The following PDXDC1 variants were observed in gnomAD, a reference collection of about 807,000 sequenced individuals.
PDXDC1 encodes the protein pyridoxal dependent decarboxylase domain containing 1, also known as pyridoxal-dependent decarboxylase domain-containing protein 1.
In PDXDC1, 42 loss-of-function variants were observed where a neutral mutation model predicts 100.1. The observed-to-expected ratio is 0.42, with a 90% CI of 0.33 to 0.54. The LOEUF is 0.54. Ranked by LOEUF, PDXDC1 falls within the 20% of genes least tolerant of loss-of-function variation. The probability of loss-of-function intolerance (pLI) is 0.10; values close to 1 mark genes in which losing one functional copy is unlikely to be tolerated. For synonymous variants in PDXDC1, 260 were observed against 371.7 expected, an observed-to-expected ratio of 0.70 and a Z score of 3.46; for missense variants, 636 against 979.2, an observed-to-expected ratio of 0.65 and a Z score of 4.68.
chr16:15,147,756 T>A, the PDXDC1 span, among the ~76,000 whole-genome samples: 1 of 152,028 alleles, frequency 6.6e-6, no homozygotes, highest in African/African-American at 2.4e-5. Flanking sequence ...TGGTGTGATA[T>A]TGGCTCACTG....
chr16:15,143,863 G>A (rs2048512575), downstream of PDXDC1, among the ~76,000 whole-genome samples: 1 of 152,204 alleles, frequency 6.6e-6, no homozygotes, highest in African/African-American at 2.4e-5. Flanking sequence ...CTGGGGGCCG[G>A]ACGGAGCCCC....
At chr16:15,112,088 C>A (rs1410035881) in intron 16 of PDXDC1, among the ~76,000 whole-genome samples, 1 of 148,074 alleles carries the variant, frequency 6.8e-6, no homozygotes, top group Non-Finnish European at 1.5e-5. Flanking sequence ...TGAATTCCCA[C>A]CAAATTTCCA....
chr16:15,084,132 A>T (rs2045818490), intron 16 of PDXDC1, among the ~76,000 whole-genome samples: 1 of 152,256 alleles, frequency 6.6e-6, no homozygotes, highest in African/African-American at 2.4e-5. Context: ...TCTCCCACAG[A>T]AACATAACAG....
At chr16:15,130,997 A>T (rs1202679184) in intron 16 of PDXDC1, 2 of 870,798 alleles carry the variant, frequency 2.3e-6, no homozygotes, top group Non-Finnish European at 3.7e-6. Context: ...AGCAAATTTC[A>T]CCAGAGACAC....
At chr16:15,032,711 G>C in intron 17 of PDXDC1, 150 bp from the exon 18 acceptor site, 3 of 539,308 alleles carry the variant, frequency 5.6e-6, no homozygotes, top group South Asian at 4.9e-5. Context: ...CACACTTCCA[G>C]AAAGTTTGTG....
At chr16:14,978,213 G>T (rs1206576293) in intron 1 of PDXDC1, among the ~76,000 whole-genome samples, 1 of 152,044 alleles carries the variant, frequency 6.6e-6, no homozygotes, top group South Asian at 2.1e-4. Context: ...GAGAGTAGGA[G>T]TAGGGGCTTT....
At chr16:15,091,267 T>C (rs758223654) in intron 16 of PDXDC1, 6 of 1,604,858 alleles carry the variant, frequency 3.7e-6, no homozygotes, top group South Asian at 2.2e-5. Flanking sequence ...ACTATGTCTG[T>C]ATACAGTGGC....
At chr16:15,007,235 A>G (rs2040859489) in intron 6 of PDXDC1, among the ~76,000 whole-genome samples, 1 of 127,280 alleles carries the variant, frequency 7.9e-6, no homozygotes, top group Non-Finnish European at 1.5e-5. Flanking sequence ...CAGTGGCGTG[A>G]TCTCGGCTCA....
chr16:15,136,281 G>C, intron 16 of PDXDC1: 1 of 610,882 alleles, frequency 1.6e-6, no homozygotes, highest in East Asian at 2.8e-5. Flanking sequence ...ACCACCCCAG[G>C]CTCACAGCAG....
At chr16:14,999,689 A>T (rs1436712516) in intron 3 of PDXDC1, among the ~76,000 whole-genome samples, 1 of 152,268 alleles carries the variant, frequency 6.6e-6, no homozygotes, top group Non-Finnish European at 1.5e-5. Flanking sequence ...CATAATGTAA[A>T]TGAAAGGAAA....
At chr16:15,084,005 C>T (rs1373776509) in intron 16 of PDXDC1, among the ~76,000 whole-genome samples, 8 of 152,176 alleles carry the variant, frequency 5.3e-5, no homozygotes, top group Non-Finnish European at 1.0e-4. Context: ...CGTGAGCCAC[C>T]GCGCCCGGCC....
intron 1 of PDXDC1, among the ~76,000 whole-genome samples, chr16:14,984,788 A>G (rs899384200): frequency 6.6e-6 from 1 of 152,142 alleles, no homozygotes; most frequent in African/African-American, 2.4e-5. Context: ...CACCGCTGCC[A>G]GCCAAATGTA....
In PDXDC1 at chr16:15,036,917, C is replaced by T. The variant is rs967113037; in HGVS notation, c.*642C>T. 1.3e-5 allele frequency: 2 copies of T among 152,742 alleles called. No homozygotes were observed. Among genetic ancestry groups the T allele is most frequent in the Admixed American group, 6.5e-5 (1 of 15,384 alleles). 9.5% of individuals were successfully genotyped at this position (152,742 alleles called of 1,614,324 possible). A position where few individuals can be genotyped will look rare whatever the true frequency, so the allele number is the denominator to read the frequency against. Reference sequence around the variant, plus strand: ...CAAGGCCATTTCTCCCATTATATACCGTTTGTAAAGAGAAACTGTAAAGTC... The same window carrying T: ...CAAGGCCATTTCTCCCATTATATACTGTTTGTAAAGAGAAACTGTAAAGTC... On this transcript the variant is annotated 3_prime_UTR_variant, in exon 23 of 23. Coordinates refer to ENST00000396410, the MANE Select transcript of PDXDC1 (RefSeq NM_015027.4).
chr16:15,051,630 G>A (rs962346635), intron 16 of PDXDC1, among the ~76,000 whole-genome samples: 16 of 151,854 alleles, frequency 1.1e-4, no homozygotes, highest in Non-Finnish European at 1.8e-4. Flanking sequence ...AACCACAGGC[G>A]CACGCCACCA....
In PDXDC1 at chr16:15,130,555, TC is replaced by T. The variant is rs200937275; in HGVS notation, c.1400-8320del. 2,346 of 1,367,262 alleles carry T rather than the reference TC, an allele frequency of 1.7e-3. 48 individuals are homozygous for T. In the African/African-American group the frequency reaches 0.029, roughly 17 times the overall value. 84.7% of individuals were successfully genotyped at this position (1,367,262 alleles called of 1,614,324 possible). A position where few individuals can be genotyped will look rare whatever the true frequency, so the allele number is the denominator to read the frequency against. On this transcript the variant is annotated intron_variant, in intron 16 of 16. Coordinates refer to the PDXDC1 transcript ENST00000535621. ...GGTCCAGTCCCCTCGCTGCCTGCCG[TC>T]CCCACAGGGCCTGTAACCCGGGCAA...
chr16:15,054,007 C>A (rs1156724310), intron 16 of PDXDC1, among the ~76,000 whole-genome samples: 1 of 152,164 alleles, frequency 6.6e-6, no homozygotes, highest in Non-Finnish European at 1.5e-5. Flanking sequence ...GCCCCTTGGT[C>A]ATTTGGTCAT....
intron 16 of PDXDC1, among the ~76,000 whole-genome samples, chr16:15,096,406 G>C (rs529008183): frequency 1.3e-5 from 2 of 152,222 alleles, no homozygotes; most frequent in East Asian, 1.9e-4. Context: ...ACCACGCCCC[G>C]CCAGCAGTTT....
In PDXDC1 at chr16:15,056,163, A is replaced by G. The variant is rs376534889; in HGVS notation, c.1399+26107A>G. On this transcript the variant is annotated intron_variant, in intron 16 of 16. Coordinates refer to the PDXDC1 transcript ENST00000535621. ...CGAAGAGACTGGAGAAATCCAGGAC[A>G]TGGCCGCAAGGCCTCACGGGAAATG... The G allele has an allele frequency of 3.9e-4, 65 of 168,594 alleles. No homozygotes were observed. In the East Asian group the frequency reaches 0.011, roughly 29 times the overall value. The allele number at this position is 168,594 out of a possible 1,614,324, so 10.4% of individuals were successfully genotyped here. A position where few individuals can be genotyped will look rare whatever the true frequency, so the allele number is the denominator to read the frequency against.
chr16:15,049,904 G>C (rs563241564), intron 16 of PDXDC1, among the ~76,000 whole-genome samples: 1 of 152,294 alleles, frequency 6.6e-6, no homozygotes, highest in Admixed American at 6.5e-5. Context: ...ATGTTTTAAA[G>C]AGCTATAAAT....
Sources: gnomAD v4.1 joint callset for allele counts (sites outside exome capture counted in the v4.1 genomes callset) on GRCh38, gnomAD v4.1.1 for gene constraint, MANE v1.5 for transcripts, NCBI Gene and HGNC (gene_info 2026-07-23, HGNC 2026-07-21) for gene names.